The following F3 variants were observed in gnomAD, a reference collection of about 807,000 sequenced individuals.
F3 encodes coagulation factor III, tissue factor.
Under a neutral mutation model 33.5 loss-of-function variants are expected in F3, and 18 were observed. The ratio of observed to expected loss-of-function variants is 0.54; its 90% CI spans 0.37 to 0.80. The LOEUF is 0.80. Among genes scored for constraint, F3 ranks in the 30% least tolerant of loss-of-function variants. F3 has a pLI of 0.00. For missense variants in F3, 353 were observed against 362.1 expected, an observed-to-expected ratio of 0.97 and a Z score of 0.20; for synonymous variants, 147 against 140.7, an observed-to-expected ratio of 1.05 and a Z score of -0.32.
At chr1:94,536,191 A>G in intron 2 of F3, 27 bp from the exon 3 acceptor site, 7 of 1,606,010 alleles carry the variant, frequency 4.4e-6, no homozygotes, top group Non-Finnish European at 5.1e-6. Flanking sequence ...AGGAAGAAAC[A>G]TAAATGGAAT....
intron 3 of F3, among the ~76,000 whole-genome samples, chr1:94,534,916 C>T (rs912028488): frequency 1.3e-5 from 2 of 152,018 alleles, no homozygotes; most frequent in Admixed American, 6.6e-5. Context: ...TCAACCATGC[C>T]ACAGTCACCA....
intron 1 of F3, 149 bp downstream of exon 1, chr1:94,541,388 C>A: frequency 1.7e-6 from 1 of 589,556 alleles, no homozygotes; most frequent in Non-Finnish European, 2.6e-6. Context: ...TTCATTCAAG[C>A]CGGGCTGGGT....
intron 2 of F3, among the ~76,000 whole-genome samples, chr1:94,538,616 C>T (rs1420036316): frequency 6.6e-6 from 1 of 152,256 alleles, no homozygotes; most frequent in African/African-American, 2.4e-5. Context: ...TGTGTGGATA[C>T]TGGGTAGACT....
At chr1:94,537,017 G>A (rs3917613) in intron 2 of F3, among the ~76,000 whole-genome samples, 32 of 152,202 alleles carry the variant, frequency 2.1e-4, no homozygotes, top group African/African-American at 7.2e-4. Flanking sequence ...CATATCTAAC[G>A]AGTGGCAGAG....
chr1:94,532,084 C>T (rs1286653190), intron 5 of F3, among the ~76,000 whole-genome samples: 3 of 152,316 alleles, frequency 2.0e-5, no homozygotes, highest in African/African-American at 7.2e-5. Flanking sequence ...CAAGAAAACA[C>T]CTGCTAATAC....
At chr1:94,538,475 G>A (rs940625216) in intron 2 of F3, among the ~76,000 whole-genome samples, 1 of 152,212 alleles carries the variant, frequency 6.6e-6, no homozygotes. Context: ...TGCTTAAGAT[G>A]CTAACTGTAG....
At chr1:94,538,220 G>T (rs1170572771) in intron 2 of F3, among the ~76,000 whole-genome samples, 1 of 152,206 alleles carries the variant, frequency 6.6e-6, no homozygotes, top group Non-Finnish European at 1.5e-5. Flanking sequence ...TTGGTTGCAG[G>T]TTGTTTTCCA....
intron 2 of F3, among the ~76,000 whole-genome samples, chr1:94,537,282 C>T (rs1651633480): frequency 6.6e-6 from 1 of 152,206 alleles, no homozygotes; most frequent in Non-Finnish European, 1.5e-5. Context: ...ACTTGATTCA[C>T]ACACTTCTGT....
rs1144301 is a variant in F3 at position 94,535,822 on chromosome 1, G to A, written c.412+143C>T. 0.016 allele frequency: 11,589 copies of A among 733,884 alleles called. 1,036 individuals are homozygous for A. The African/African-American group carries it at 0.19, about 12-fold the overall frequency. 45.5% of individuals were successfully genotyped at this position (733,884 alleles called of 1,614,324 possible). On this transcript the variant is annotated intron_variant, in intron 3 of 5. Transcript: ENST00000334047. Reference sequence around the variant, plus strand: ...GAACCTCCTACCACATCTGGAATGTGTGAAGAGGGCTGTGATACATACCAG... The same window carrying A: ...GAACCTCCTACCACATCTGGAATGTATGAAGAGGGCTGTGATACATACCAG...
At position 94,540,287 on chromosome 1, in the gene F3, G is replaced by A. The variant is rs748068616; in HGVS notation, c.182C>T (p.Pro61Leu). ...TTGAACAGTGTAGACTTGATTGACG[G>A]GTTTGGGTTCCCACTCCAAAATTGT... ...FKTILEWEPK[P>L]VNQVYTVQIS... The change falls in exon 2 of 6, where the codon CCC becomes CTC. Residue 61 changes from proline to leucine, a missense_variant. By Grantham distance (98) the Pro-to-Leu change is moderately conservative. Transcript: ENST00000334047. 6.2e-7 allele frequency: 1 copy of A among 1,613,190 alleles called. No individual in the cohort carries two copies. The highest frequency in any genetic ancestry group is 1.1e-5 in the South Asian group (1 of 91,052).
At chr1:94,532,231 G>T in intron 5 of F3, 90 bp downstream of exon 5, 1 of 1,254,082 alleles carries the variant, frequency 8.0e-7, no homozygotes. Flanking sequence ...AACCAAGGAA[G>T]TATATCCCAG....
chr1:94,540,963 C>G (rs1222534573), intron 1 of F3: 2 of 153,166 alleles, frequency 1.3e-5, no homozygotes, highest in Non-Finnish European at 2.9e-5. Context: ...GTCCCAGTCT[C>G]TACGCCGTCC....
intron 2 of F3, among the ~76,000 whole-genome samples, chr1:94,539,834 C>T (rs725298): frequency 0.019 from 2,946 of 152,314 alleles, 107 homozygotes; most frequent in African/African-American, 0.066. Context: ...TGCTTAAGGG[C>T]AATGTATACA....
rs937595134 is a variant in F3, at chr1:94,541,715, G to A, written c.-79C>T. The A allele has an allele frequency of 6.4e-6, 6 of 938,528 alleles. No individual in the cohort carries two copies. In the African/African-American group the frequency reaches 8.6e-5, roughly 13 times the overall value. 58.1% of individuals were successfully genotyped at this position (938,528 alleles called of 1,614,324 possible). A position where few individuals can be genotyped will look rare whatever the true frequency, so the allele number is the denominator to read the frequency against. On this transcript the variant is annotated 5_prime_UTR_variant, in exon 1 of 6. Transcript: ENST00000334047. ...GGAGGTTGGGCTGAAGGCGCCCTGGGCCGGCCAGAGGGAGTGCGAGGGGGT... is the reference window on the plus strand; with the variant it reads ...GGAGGTTGGGCTGAAGGCGCCCTGGACCGGCCAGAGGGAGTGCGAGGGGGT...
chr1:94,533,891 G>A (rs190516424), intron 3 of F3, among the ~76,000 whole-genome samples: 40 of 148,316 alleles, frequency 2.7e-4, no homozygotes, highest in Middle Eastern at 3.4e-3. Context: ...TTTTTAGACA[G>A]AGTCTCGCTC....
intron 2 of F3, among the ~76,000 whole-genome samples, chr1:94,538,928 G>A (rs1236862725): frequency 6.6e-6 from 1 of 152,148 alleles, no homozygotes; most frequent in Non-Finnish European, 1.5e-5. Flanking sequence ...CAGGAGCTGT[G>A]CTCATTTAAA....
At chr1:94,538,012 A>G (rs1651663917) in intron 2 of F3, among the ~76,000 whole-genome samples, 1 of 152,166 alleles carries the variant, frequency 6.6e-6, no homozygotes, top group Admixed American at 6.5e-5. Flanking sequence ...TCTATAGCAA[A>G]ATTTAGCACA....
chr1:94,541,249 A>G (rs1449382797), intron 1 of F3, among the ~76,000 whole-genome samples: 3 of 152,246 alleles, frequency 2.0e-5, no homozygotes, highest in African/African-American at 4.8e-5. Context: ...GCGGGAGCTA[A>G]AAGTCCGCTT....
chr1:94,536,349 CT>C (rs1489618612), intron 2 of F3, among the ~76,000 whole-genome samples, 185 bp from the exon 3 acceptor site: 1 of 152,116 alleles, frequency 6.6e-6, no homozygotes, highest in African/African-American at 2.4e-5. Flanking sequence ...AGATGGGGTC[CT>C]GCTATGTTGC....
Sources: allele counts gnomAD v4.1 joint callset (sites outside exome capture counted in the v4.1 genomes callset), GRCh38; gene constraint gnomAD v4.1.1; transcripts MANE v1.5; gene names NCBI Gene and HGNC (gene_info 2026-07-23, HGNC 2026-07-21).